The following CPM variants were observed in gnomAD, a reference collection of about 807,000 sequenced individuals.
The protein encoded by CPM is renal carboxypeptidase.
In CPM, 35 loss-of-function variants were observed where a neutral mutation model predicts 46.4. The ratio of observed to expected loss-of-function variants is 0.75; its 90% CI spans 0.58 to 1.00. The LOEUF is 1.00. Among genes scored for constraint, CPM ranks in the 50% least tolerant of loss-of-function variants. The pLI is 0.00. For missense variants in CPM, 422 were observed against 530.4 expected, an observed-to-expected ratio of 0.80 and a Z score of 2.01; for synonymous variants, 195 against 195.3, an observed-to-expected ratio of 1.00 and a Z score of 0.01.
intron 2 of CPM, among the ~76,000 whole-genome samples, chr12:68,893,720 C>T (rs1342403962): frequency 6.6e-6 from 1 of 152,214 alleles, no homozygotes; most frequent in Non-Finnish European, 1.5e-5. Flanking sequence ...AATAGGCAGG[C>T]ATTTGACTCC....
At chr12:68,892,337 G>A (rs1394959494) in intron 2 of CPM, among the ~76,000 whole-genome samples, 2 of 152,160 alleles carry the variant, frequency 1.3e-5, no homozygotes, top group Non-Finnish European at 2.9e-5. Flanking sequence ...GGAGGGAGTC[G>A]AGGGGCACAA....
chr12:68,892,225 AAAAC>A (rs1302200892), intron 2 of CPM, among the ~76,000 whole-genome samples: 7 of 152,200 alleles, frequency 4.6e-5, no homozygotes, highest in African/African-American at 1.4e-4. Context: ...ACATCAAAGA[AAAAC>A]AAAAGAAACG....
chr12:68,909,159 C>T (rs954440219), intron 2 of CPM, among the ~76,000 whole-genome samples: 5 of 152,162 alleles, frequency 3.3e-5, no homozygotes, highest in Non-Finnish European at 5.9e-5. Context: ...CATCCAGCCT[C>T]GGTGTCCTGG....
upstream of CPM, among the ~76,000 whole-genome samples, chr12:68,938,091 C>T (rs1888700145): frequency 6.6e-6 from 1 of 152,088 alleles, no homozygotes; most frequent in Non-Finnish European, 1.5e-5. Flanking sequence ...TAACTATAGT[C>T]GGGGCTAAGT....
Position 68,866,939 on chromosome 12 carries a change from A to G in CPM, c.897T>C (p.Asn299=), listed in dbSNP as rs1885476942. 2 of 1,614,138 alleles carry G rather than the reference A, an allele frequency of 1.2e-6. No individual in the cohort carries two copies. Among genetic ancestry groups the G allele is most frequent in the Non-Finnish European group, 1.7e-6 (2 of 1,180,000 alleles). ...TATATTCAATTAATGAGGCTTTGTT[A>G]TTATTCCAAAAGGATGGAAGCTTCT... ...REEKLPSFWN[N]NKASLIEYIK... is the part of the protein sequence containing the mutation. Residue 299 remains asparagine (N), a synonymous_variant, in exon 7 of 9, where the codon AAT becomes AAC. Transcript: ENST00000551568.
intron 2 of CPM, among the ~76,000 whole-genome samples, chr12:68,909,564 T>C (rs1413070741): frequency 1.3e-5 from 2 of 152,018 alleles, no homozygotes; most frequent in Non-Finnish European, 2.9e-5. Flanking sequence ...CTATTCACAA[T>C]AGCAAAGACT....
At chr12:68,905,691 C>T (rs191381816) in intron 2 of CPM, among the ~76,000 whole-genome samples, 14 of 151,778 alleles carry the variant, frequency 9.2e-5, no homozygotes, top group East Asian at 1.9e-4. Flanking sequence ...AGTAGGTCTA[C>T]GCAAACCTAC....
At chr12:68,842,585 T>A (rs893861021) in intron 5 of CPM, 16 of 314,402 alleles carry the variant, frequency 5.1e-5, no homozygotes, top group Non-Finnish European at 1.0e-4. Context: ...TTTACTGATA[T>A]GTTTGTAAAT....
chr12:68,907,707 C>A (rs763918127), intron 2 of CPM, among the ~76,000 whole-genome samples: 1 of 152,200 alleles, frequency 6.6e-6, no homozygotes, highest in Non-Finnish European at 1.5e-5. Context: ...ACACAACATT[C>A]TTTTTCCAGA....
intron 2 of CPM, among the ~76,000 whole-genome samples, chr12:68,887,798 T>C (rs1886497885): frequency 6.6e-6 from 1 of 152,094 alleles, no homozygotes; most frequent in African/African-American, 2.4e-5. Context: ...AAAAAGAAAT[T>C]TTTTCCAAGG....
In CPM at chr12:68,913,194, G is replaced by T. The variant is rs1887669192; in HGVS notation, c.160+19484C>A. The stretch of plus-strand genomic sequence containing the variant: ...GAGGTATCTCAGTCTGTGCTCACTG[G>T]AAAGTCCAAAGTTCCTGATGACCAG... On this transcript the variant is annotated intron_variant, in intron 2 of 8. Transcript: ENST00000551568. Among the ~76,000 whole-genome samples the T allele has an allele frequency of 2.6e-5, 4 of 152,130 alleles. No individual in the cohort carries two copies. In the South Asian group the frequency reaches 8.3e-4, roughly 32 times the overall value.
intron 2 of CPM, among the ~76,000 whole-genome samples, chr12:68,887,697 G>C (rs1211584919): frequency 6.6e-6 from 1 of 152,164 alleles, no homozygotes; most frequent in Non-Finnish European, 1.5e-5. Context: ...ATGAATTTCT[G>C]ATCTATTGGA....
upstream of CPM, among the ~76,000 whole-genome samples, chr12:68,934,713 T>G (rs1229419769): frequency 1.3e-5 from 2 of 152,172 alleles, no homozygotes; most frequent in Non-Finnish European, 2.9e-5. Context: ...ATTCTTGCTC[T>G]GACACTCAGT....
At position 68,924,434 on chromosome 12, in the gene CPM, T is replaced by C. The variant is rs77186848; in HGVS notation, c.160+8244A>G. On this transcript the variant is annotated intron_variant, in intron 2 of 8. Coordinates refer to ENST00000551568, the MANE Select transcript of CPM (RefSeq NM_198320.5). Reference sequence around the variant, plus strand: ...CCCAGGAGGCGGAGTGAGCCGACATTGTGACACTGCACTCCAGCATGGGCG... The same window carrying C: ...CCCAGGAGGCGGAGTGAGCCGACATCGTGACACTGCACTCCAGCATGGGCG... Among the ~76,000 whole-genome samples, 27 of 150,852 alleles carry C rather than the reference T, an allele frequency of 1.8e-4. No homozygotes were observed. In the East Asian group the frequency reaches 4.9e-3, roughly 27 times the overall value.
At chr12:68,889,267 A>C (rs1282560613) in intron 2 of CPM, among the ~76,000 whole-genome samples, 2 of 152,224 alleles carry the variant, frequency 1.3e-5, no homozygotes, top group South Asian at 2.1e-4. Context: ...TAAGAAGTAT[A>C]CTTCTAATCC....
At chr12:68,953,251 CTT>C (rs1021089084) in intron 1 of CPM, among the ~76,000 whole-genome samples, 1 of 147,022 alleles carries the variant, frequency 6.8e-6, no homozygotes, top group Admixed American at 6.8e-5. Context: ...TTTTCTCTCT[CTT>C]TTTTTTTTTA....
At chr12:68,883,098 G>C (rs1301756947) in intron 3 of CPM, among the ~76,000 whole-genome samples, 1 of 152,190 alleles carries the variant, frequency 6.6e-6, no homozygotes, top group Non-Finnish European at 1.5e-5. Context: ...CTGCCACTCA[G>C]TGTGTATGTG....
At chr12:68,937,473 A>C (rs1888690371), upstream of CPM, among the ~76,000 whole-genome samples, 1 of 152,216 alleles carries the variant, frequency 6.6e-6, no homozygotes, top group Non-Finnish European at 1.5e-5. Context: ...TCCCACAACA[A>C]AGAATTATTC....
rs1429048238 is a variant in CPM at position 68,855,066 on chromosome 12, G to T, written c.*1371C>A. The T allele has an allele frequency of 6.6e-6, 1 of 151,438 alleles. No individual in the cohort carries two copies. Among genetic ancestry groups the T allele is most frequent in the East Asian group, 1.9e-4 (1 of 5,150 alleles). 9.4% of individuals were successfully genotyped at this position (151,438 alleles called of 1,614,324 possible). A position where few individuals can be genotyped will look rare whatever the true frequency, so the allele number is the denominator to read the frequency against. On this transcript the variant is annotated 3_prime_UTR_variant, in exon 9 of 9. Coordinates refer to ENST00000551568, the MANE Select transcript of CPM (RefSeq NM_198320.5). ...GTAGAGATGGGGTTTCACCATGTTG[G>T]CCAGGCTGGTCTTGAGCTCCTGACC...
Sources: allele counts gnomAD v4.1 joint callset (sites outside exome capture counted in the v4.1 genomes callset), GRCh38; gene constraint gnomAD v4.1.1; transcripts MANE v1.5; gene names NCBI Gene and HGNC (gene_info 2026-07-23, HGNC 2026-07-21).